Variants in EEFSEC observed in about 807,000 individuals in gnomAD.
The protein encoded by EEFSEC is selenocysteine-specific elongation factor.
In EEFSEC, 43 loss-of-function variants were observed where a neutral mutation model predicts 42.1. The ratio of observed to expected loss-of-function variants is 1.02; its 90% confidence interval spans 0.80 to 1.32. EEFSEC has a LOEUF of 1.32. Among genes scored for constraint, EEFSEC ranks in the 40% most tolerant of loss-of-function variants. The pLI is 0.00. For missense variants in EEFSEC, 745 were observed against 803.6 expected (o/e 0.93, Z 0.88); for synonymous variants, 354 against 339.1 (o/e 1.04, Z -0.48).
chr3:128,213,339 T>C (rs1462414893), intron 1 of EEFSEC, among the ~76,000 whole-genome samples: 1 of 152,210 alleles, frequency 6.6e-6, no homozygotes, highest in Non-Finnish European at 1.5e-5. Context: ...GGCATGTCCT[T>C]GGCATGTAGT....
Position 128,353,949 on chromosome 3 carries a change from G to A in EEFSEC, c.1444-4268G>A, listed in dbSNP as rs1175691196. On this transcript the variant is annotated intron_variant, in intron 5 of 6. Transcript: ENST00000254730. Reference sequence around the variant, plus strand: ...AAGGGGTGAGAGAGCAGAGTGCGAAGGATTGGGAGAGTTGGAGGGAGATGG... The same window carrying A: ...AAGGGGTGAGAGAGCAGAGTGCGAAAGATTGGGAGAGTTGGAGGGAGATGG... Among the ~76,000 whole-genome samples, 6 of 152,186 alleles carry A rather than the reference G, an allele frequency of 3.9e-5. No homozygotes were observed. In the South Asian group the frequency reaches 1.2e-3, roughly 32 times the overall value.
In EEFSEC at chr3:128,186,187, A is replaced by AGT. The variant is rs143160408; in HGVS notation, c.316+32366_316+32367dup. Among the ~76,000 whole-genome samples the AGT allele has an allele frequency of 7.0e-3, 1,060 of 152,306 alleles. 13 individuals carry two copies. Among genetic ancestry groups the AGT allele is most frequent in the African/African-American group, 0.023 (974 of 41,580 alleles). ...TTTGATTTGCATTTCCCTGATGGTG[A>AGT]GTGATATTTAGCATCTTTTCATGTG... is the stretch of plus-strand genomic sequence containing the variant. On this transcript the variant is annotated intron_variant, in intron 1 of 6. Coordinates refer to ENST00000254730, the MANE Select transcript of EEFSEC (RefSeq NM_021937.5).
chr3:128,325,647 A>C (rs1354047516), intron 4 of EEFSEC, among the ~76,000 whole-genome samples: 4 of 152,130 alleles, frequency 2.6e-5, no homozygotes, highest in Non-Finnish European at 5.9e-5. Context: ...CCTTTTCTTC[A>C]TGTATGAAAG....
intron 1 of EEFSEC, among the ~76,000 whole-genome samples, chr3:128,217,455 G>T (rs1050530868): frequency 2.0e-5 from 3 of 152,126 alleles, no homozygotes; most frequent in African/African-American, 7.2e-5. Flanking sequence ...CAGAACCAAA[G>T]ACAGGAAAGA....
At chr3:128,285,450 C>G (rs1488405952) in intron 4 of EEFSEC, among the ~76,000 whole-genome samples, 3 of 152,050 alleles carry the variant, frequency 2.0e-5, no homozygotes, top group Non-Finnish European at 4.4e-5. Context: ...GGCTGGGCAG[C>G]AGGGACAGGC....
chr3:128,256,122 T>C lies in EEFSEC; in HGVS notation c.525-6006T>C, dbSNP rs367822963. 1.6e-3 allele frequency among the ~76,000 whole-genome samples: 248 copies of C among 152,314 alleles called. 10 individuals are homozygous for C. In the South Asian group the frequency reaches 0.051, roughly 31 times the overall value. On this transcript the variant is annotated intron_variant, in intron 2 of 6. Coordinates refer to ENST00000254730, the MANE Select transcript of EEFSEC (RefSeq NM_021937.5). The stretch of plus-strand genomic sequence containing the variant: ...GCAAAATTGCAATGAAAGTTAACCT[T>C]CTTCAGTTATCTTTAAATCTCTTTT...
chr3:128,395,086 T>C (rs768380530), intron 6 of EEFSEC, among the ~76,000 whole-genome samples: 12 of 152,216 alleles, frequency 7.9e-5, no homozygotes, highest in Non-Finnish European at 1.3e-4. Flanking sequence ...TGGGGCCTTA[T>C]GTCCCTAGAG....
At chr3:128,239,926 C>G (rs1444303831) in intron 1 of EEFSEC, among the ~76,000 whole-genome samples, 1 of 152,238 alleles carries the variant, frequency 6.6e-6, no homozygotes, top group Non-Finnish European at 1.5e-5. Context: ...CCAGGAGCCT[C>G]TAGCCTGTTA....
At chr3:128,162,131 T>C (rs1355483347) in intron 1 of EEFSEC, among the ~76,000 whole-genome samples, 3 of 152,366 alleles carry the variant, frequency 2.0e-5, no homozygotes, top group East Asian at 1.9e-4. Context: ...GGAAATGCTT[T>C]CTTCAGCTTT....
intron 6 of EEFSEC, among the ~76,000 whole-genome samples, chr3:128,398,129 C>T (rs2068003673): frequency 6.6e-6 from 1 of 152,236 alleles, no homozygotes; most frequent in Non-Finnish European, 1.5e-5. Context: ...CTGCCCCTTC[C>T]TGGCATTGCT....
chr3:128,298,250 C>T (rs1246278510), intron 4 of EEFSEC, among the ~76,000 whole-genome samples: 2 of 152,164 alleles, frequency 1.3e-5, no homozygotes, highest in Non-Finnish European at 2.9e-5. Context: ...CCAGCTCAAG[C>T]GATCTTCCTA....
chr3:128,202,866 T>C (rs1403486113), intron 1 of EEFSEC, among the ~76,000 whole-genome samples: 1 of 152,254 alleles, frequency 6.6e-6, no homozygotes, highest in Non-Finnish European at 1.5e-5. Flanking sequence ...TCAGGAGTGG[T>C]TGTTAAATTT....
chr3:128,391,348 T>A (rs1277614148), intron 6 of EEFSEC, among the ~76,000 whole-genome samples: 1 of 152,200 alleles, frequency 6.6e-6, no homozygotes, highest in African/African-American at 2.4e-5. Context: ...CCCATCTGTC[T>A]CCCCAGAGGC....
chr3:128,269,385 A>G (rs1239125183), intron 4 of EEFSEC, among the ~76,000 whole-genome samples: 1 of 152,220 alleles, frequency 6.6e-6, no homozygotes, highest in Non-Finnish European at 1.5e-5. Flanking sequence ...ACGAGAGCCC[A>G]TTGCAGCAGA....
chr3:128,417,165 C>T, the EEFSEC span, among the ~76,000 whole-genome samples: 1 of 152,140 alleles, frequency 6.6e-6, no homozygotes, highest in Admixed American at 6.5e-5. The surrounding 1 kb of genome is among the most constrained non-coding windows in gnomAD (Gnocchi z 4.3). Flanking sequence ...GCTCTGCCGG[C>T]TGCAGCCGGA....
At chr3:128,178,960 T>C (rs2065378105) in intron 1 of EEFSEC, among the ~76,000 whole-genome samples, 1 of 152,236 alleles carries the variant, frequency 6.6e-6, no homozygotes, top group Admixed American at 6.5e-5. Flanking sequence ...AGCTAAGCAG[T>C]GAAGCAATGC....
At chr3:128,305,967 G>A (rs559799306) in intron 4 of EEFSEC, among the ~76,000 whole-genome samples, 1 of 152,242 alleles carries the variant, frequency 6.6e-6, no homozygotes, top group South Asian at 2.1e-4. Context: ...TCCACTGTAT[G>A]TTACTTTCTA....
intron 6 of EEFSEC, among the ~76,000 whole-genome samples, chr3:128,394,203 G>A (rs547444089): frequency 1.3e-5 from 2 of 152,334 alleles, no homozygotes; most frequent in Admixed American, 6.5e-5. Context: ...TGCAGGTCAG[G>A]GAGGGATAGA....
At chr3:128,235,941 G>GGTTA (rs71153124) in intron 1 of EEFSEC, among the ~76,000 whole-genome samples, 1 of 149,082 alleles carries the variant, frequency 6.7e-6, no homozygotes, top group Admixed American at 6.7e-5. Flanking sequence ...GATGGGCAAA[G>GGTTA]GTTTGTTTGT....
Sources: gnomAD v4.1 joint callset for allele counts (sites outside exome capture counted in the v4.1 genomes callset) on GRCh38, gnomAD v4.1.1 for gene constraint, Gnocchi (gnomAD v3.1) non-coding constraint, MANE v1.5 for transcripts, NCBI Gene and HGNC (gene_info 2026-07-23, HGNC 2026-07-21) for gene names.